FRMD5: variants seen among roughly 807,000 people sequenced by gnomAD.
FRMD5 encodes FERM domain containing 5, also known as FERM domain-containing protein 5.
Under a neutral mutation model 69.0 loss-of-function variants are expected in FRMD5, and 20 were observed. The observed-to-expected ratio is 0.29, with a 90% CI of 0.20 to 0.42. The LOEUF (loss-of-function observed/expected upper bound fraction) is 0.42, where lower values mean the gene tolerates loss of function less well. FRMD5 is among the 10% of genes least tolerant of loss of function. FRMD5 has a pLI of 1.00. For missense variants in FRMD5, 595 were observed against 708.6 expected (o/e 0.84, Z 1.82); for synonymous variants, 271 against 260.1 (o/e 1.04, Z -0.40).
intron 1 of FRMD5, among the ~76,000 whole-genome samples, chr15:44,010,416 T>TC (rs2140209049): frequency 6.6e-6 from 1 of 151,004 alleles, no homozygotes; most frequent in East Asian, 1.9e-4. Context: ...TTTTTTTTTT[T>TC]AGACAGAGTC....
chr15:44,076,384 C>T lies in FRMD5; in HGVS notation c.102+118569G>A, dbSNP rs1216889177. On this transcript the variant is annotated intron_variant, in intron 1 of 13. Transcript: ENST00000417257. ...ACTTGGAACCAACCCAAATGTCCAACAATGATAGACTGGATTAAGAAAATG... is the reference window on the plus strand; with the variant it reads ...ACTTGGAACCAACCCAAATGTCCAATAATGATAGACTGGATTAAGAAAATG... 2.1e-5 allele frequency among the ~76,000 whole-genome samples: 3 copies of T among 145,482 alleles called. No individual in the cohort carries two copies. The East Asian group carries it at 6.0e-4, about 29-fold the overall frequency.
intron 1 of FRMD5, among the ~76,000 whole-genome samples, chr15:44,059,238 T>C (rs1595679985): frequency 6.6e-6 from 1 of 152,152 alleles, no homozygotes; most frequent in Non-Finnish European, 1.5e-5. Context: ...GAGGGAAATA[T>C]AAAGATGATA....
chr15:44,198,349 T>TA (rs945020419), upstream of FRMD5, among the ~76,000 whole-genome samples: 22 of 142,498 alleles, frequency 1.5e-4, no homozygotes, highest in Non-Finnish European at 2.5e-4. Context: ...AAAAAGGAAT[T>TA]AAAAAAAATC....
chr15:43,996,043 G>A (rs763728776), intron 1 of FRMD5, among the ~76,000 whole-genome samples: 1 of 152,178 alleles, frequency 6.6e-6, no homozygotes, highest in Admixed American at 6.5e-5. Context: ...GAAGGTGATG[G>A]CTTGGTGCCT....
chr15:44,139,420 CA>C (rs1243394739), intron 1 of FRMD5, among the ~76,000 whole-genome samples: 4 of 150,904 alleles, frequency 2.7e-5, no homozygotes, highest in Non-Finnish European at 5.9e-5. Flanking sequence ...AAAAAAATCA[CA>C]AAAATAATTT....
intron 1 of FRMD5, among the ~76,000 whole-genome samples, chr15:43,943,233 A>C (rs1453564809): frequency 1.3e-5 from 2 of 151,932 alleles, no homozygotes; most frequent in African/African-American, 4.8e-5. Context: ...CAACAGTGAA[A>C]CTGTATCTCA....
At chr15:44,166,698 G>A (rs1419005463) in intron 1 of FRMD5, among the ~76,000 whole-genome samples, 1 of 149,544 alleles carries the variant, frequency 6.7e-6, no homozygotes, top group African/African-American at 2.5e-5. Flanking sequence ...GCAGGAGAAT[G>A]GTTTAAACCC....
chr15:43,980,724 C>G (rs1361639806), intron 1 of FRMD5, among the ~76,000 whole-genome samples: 1 of 152,024 alleles, frequency 6.6e-6, no homozygotes, highest in Admixed American at 6.5e-5. Flanking sequence ...TGGAGGTAGC[C>G]TAGGAGACCG....
chr15:44,095,011 G>C (rs999040549), intron 1 of FRMD5, among the ~76,000 whole-genome samples: 1 of 151,942 alleles, frequency 6.6e-6, no homozygotes. Context: ...AGCCGACATA[G>C]AGTCCCACCC....
intron 1 of FRMD5, among the ~76,000 whole-genome samples, chr15:43,972,882 T>C (rs746438367): frequency 3.9e-5 from 6 of 152,238 alleles, no homozygotes; most frequent in South Asian, 2.1e-4. Flanking sequence ...CCCAGGCTTC[T>C]ACATGATTGC....
At chr15:44,043,501 A>T (rs1161634464) in intron 1 of FRMD5, among the ~76,000 whole-genome samples, 1 of 152,228 alleles carries the variant, frequency 6.6e-6, no homozygotes, top group Non-Finnish European at 1.5e-5. Context: ...AGCTGGAGGC[A>T]TCACGCTACC....
At chr15:44,084,173 C>G (rs999700401) in intron 1 of FRMD5, among the ~76,000 whole-genome samples, 1 of 151,970 alleles carries the variant, frequency 6.6e-6, no homozygotes. Flanking sequence ...AATGAGGCGG[C>G]TAATCTCAAA....
At chr15:44,078,287 T>C (rs946760559) in intron 1 of FRMD5, among the ~76,000 whole-genome samples, 3 of 152,150 alleles carry the variant, frequency 2.0e-5, no homozygotes, top group Non-Finnish European at 4.4e-5. Flanking sequence ...AGCCCTATAC[T>C]GGCTTAAATT....
intron 1 of FRMD5, among the ~76,000 whole-genome samples, chr15:44,045,648 G>A (rs1044330933): frequency 6.6e-5 from 10 of 152,158 alleles, no homozygotes; most frequent in Non-Finnish European, 1.2e-4. Flanking sequence ...TCAATAGACA[G>A]TACACTAATA....
intron 1 of FRMD5, among the ~76,000 whole-genome samples, chr15:44,109,575 C>T (rs527731500): frequency 6.6e-6 from 1 of 151,726 alleles, no homozygotes; most frequent in Admixed American, 6.6e-5. Context: ...ATGAAACCCA[C>T]CCCCAACTAT....
chr15:44,090,472 T>C (rs2076455709), intron 1 of FRMD5, among the ~76,000 whole-genome samples: 1 of 151,338 alleles, frequency 6.6e-6, no homozygotes, highest in Non-Finnish European at 1.5e-5. Flanking sequence ...ATACTTTCAC[T>C]CTTGTCTGGG....
intron 1 of FRMD5, among the ~76,000 whole-genome samples, chr15:44,003,263 C>A (rs1314325088): frequency 1.3e-5 from 2 of 152,204 alleles, no homozygotes; most frequent in African/African-American, 4.8e-5. Context: ...GTCCAAGCCA[C>A]CACCATCGTC....
At chr15:44,090,814 C>T (rs576939539) in intron 1 of FRMD5, among the ~76,000 whole-genome samples, 58 of 152,258 alleles carry the variant, frequency 3.8e-4, no homozygotes, top group African/African-American at 1.4e-3. Flanking sequence ...AAAGAAAGTG[C>T]TGTATTTTAA....
intron 1 of FRMD5, among the ~76,000 whole-genome samples, chr15:43,932,368 GTCT>G (rs1462711247): frequency 6.6e-6 from 1 of 152,106 alleles, no homozygotes; most frequent in Non-Finnish European, 1.5e-5. Flanking sequence ...ACAAATCTGC[GTCT>G]TCTTCTTACC....
Sources: allele counts gnomAD v4.1 joint callset (sites outside exome capture counted in the v4.1 genomes callset), GRCh38; gene constraint gnomAD v4.1.1; transcripts MANE v1.5; gene names NCBI Gene and HGNC (gene_info 2026-07-23, HGNC 2026-07-21).